The following CFAP47 variants were observed in gnomAD, a reference collection of about 807,000 sequenced individuals.
The protein encoded by CFAP47 is cilia- and flagella-associated protein 47.
A neutral mutation model predicts 148.1 loss-of-function variants in CFAP47; 29 were observed. The ratio of observed to expected loss-of-function variants is 0.20; its 90% CI spans 0.15 to 0.27. The LOEUF (loss-of-function observed/expected upper bound fraction) is 0.27, where lower values mean the gene tolerates loss of function less well. CFAP47 is among the 10% of genes least tolerant of loss of function. The probability of loss-of-function intolerance (pLI) is 1.00; values close to 1 mark genes in which losing one functional copy is unlikely to be tolerated. For synonymous variants in CFAP47, 664 were observed against 577.3 expected (o/e 1.15, Z -2.15); for missense variants, 1,872 against 1,697.5 (o/e 1.10, Z -1.81).
At position 36,054,864 on chromosome X, in the gene CFAP47, C is replaced by T. The variant is rs1937541395; in HGVS notation, c.4217+7801C>T. ...CTTGGCTCACTGCAAGTTCCGCCTCCCGGGTTCACGCCATTCTCCTGCCTC... is the reference window on the plus strand; with the variant it reads ...CTTGGCTCACTGCAAGTTCCGCCTCTCGGGTTCACGCCATTCTCCTGCCTC... On this transcript the variant is annotated intron_variant, in intron 26 of 63. Coordinates refer to ENST00000378653, the MANE Select transcript of CFAP47 (RefSeq NM_001304548.2). Among the ~76,000 whole-genome samples, 6 of 110,317 alleles carry T rather than the reference C, an allele frequency of 5.4e-5. No homozygotes were observed. The South Asian group carries it at 2.3e-3, about 43-fold the overall frequency.
rs149078531 is a variant in CFAP47 at position 35,975,672 on chromosome X, G to A, written c.2472G>A (p.Lys824=). ...FDSPTIGKFW[K]SFTFTVNNVP... ...TTTGGATGCTTTTGCTGCATTACAG[G>A]TCTTTCACCTTTACAGTGAACAATG... is the stretch of plus-strand genomic sequence containing the variant. The change falls in exon 15 of 64, where the codon AAG becomes AAA. Residue 824 remains lysine, a splice_region_variant and synonymous_variant. Coordinates refer to ENST00000378653, the MANE Select transcript of CFAP47 (RefSeq NM_001304548.2). The A allele has an allele frequency of 8.3e-6, 10 of 1,207,577 alleles. No individual in the cohort carries two copies. In the African/African-American group the frequency reaches 1.8e-4, roughly 21 times the overall value.
chrX:36,169,126 G>T (rs1939533143), intron 39 of CFAP47, among the ~76,000 whole-genome samples: 1 of 110,595 alleles, frequency 9.0e-6, no homozygotes, highest in Non-Finnish European at 1.9e-5. Flanking sequence ...ATTTCAGATG[G>T]AAAGTCAGCT....
At chrX:36,098,578 C>T (rs753660027) in intron 30 of CFAP47, among the ~76,000 whole-genome samples, 13 of 111,533 alleles carry the variant, frequency 1.2e-4, no homozygotes, top group Non-Finnish European at 2.4e-4. Flanking sequence ...CCATAGGACA[C>T]TTTCTTTTCA....
chrX:36,196,077 G>T (rs1385766393), intron 42 of CFAP47, among the ~76,000 whole-genome samples: 1 of 111,613 alleles, frequency 9.0e-6, no homozygotes, highest in Non-Finnish European at 1.9e-5. Flanking sequence ...TAAGAAAATT[G>T]AACTTTTAAG....
At position 35,924,299 on chromosome X, in the gene CFAP47, AC is replaced by A. The variant is rs1196149184; in HGVS notation, c.250-1717del. Among the ~76,000 whole-genome samples the A allele has an allele frequency of 3.0e-4, 32 of 106,115 alleles. No individual in the cohort carries two copies. The East Asian group carries it at 9.2e-3, about 30-fold the overall frequency. 92.1% of individuals were successfully genotyped at this position (106,115 alleles called of 115,157 possible). A position where few individuals can be genotyped will look rare whatever the true frequency, so the allele number is the denominator to read the frequency against. ...TGTGTATATGTACATGTATGTGTAC[AC>A]ATATGTATATATGTACATGTATGTG... On this transcript the variant is annotated intron_variant, in intron 1 of 63. Transcript: ENST00000378653.
Position 36,129,918 on chromosome X carries a change from G to A in CFAP47, c.5321-8040G>A, listed in dbSNP as rs751483103. Among the ~76,000 whole-genome samples the A allele has an allele frequency of 2.0e-4, 22 of 111,344 alleles. 1 individual carries two copies. In the South Asian group the frequency reaches 3.0e-3, roughly 15 times the overall value. On this transcript the variant is annotated intron_variant, in intron 33 of 63. Coordinates refer to ENST00000378653, the MANE Select transcript of CFAP47 (RefSeq NM_001304548.2). ...TAAAAAGACAACCCAATTTAAAAAT[G>A]TGCAAAATATTTGAATAGACATTTC...
At chrX:35,993,924 T>G (rs1936816750) in intron 18 of CFAP47, among the ~76,000 whole-genome samples, 1 of 111,823 alleles carries the variant, frequency 8.9e-6, no homozygotes, top group Admixed American at 9.5e-5. Context: ...AGAGCACACA[T>G]AAAATGTTTT....
intron 21 of CFAP47, among the ~76,000 whole-genome samples, chrX:36,003,759 A>G (rs780553350): frequency 8.3e-5 from 9 of 108,838 alleles, no homozygotes; most frequent in Non-Finnish European, 1.3e-4. Flanking sequence ...ACTTAGTATT[A>G]TAAGTCCTGG....
At chrX:36,133,576 C>T (rs1189132934) in intron 33 of CFAP47, among the ~76,000 whole-genome samples, 1 of 110,429 alleles carries the variant, frequency 9.1e-6, no homozygotes. Flanking sequence ...CACCATTAAT[C>T]CATTCATGAA....
intron 37 of CFAP47, among the ~76,000 whole-genome samples, chrX:36,151,970 G>T (rs756906025): frequency 9.0e-6 from 1 of 111,033 alleles, no homozygotes; most frequent in Non-Finnish European, 1.9e-5. Context: ...GTGTCTTCAC[G>T]TGGTGGTAGG....
At chrX:36,021,812 C>T (rs912373972) in intron 22 of CFAP47, 4 of 110,629 alleles carry the variant, frequency 3.6e-5, no homozygotes, top group African/African-American at 1.3e-4. Context: ...ATGATGGTTT[C>T]CAGCTTCATC....
intron 32 of CFAP47, among the ~76,000 whole-genome samples, 185 bp downstream of exon 32, chrX:36,100,064 T>C (rs994840135): frequency 1.8e-5 from 2 of 111,655 alleles, no homozygotes; most frequent in Non-Finnish European, 3.8e-5. Context: ...GAGTATCTCT[T>C]TCCTCCTCAG....
chrX:36,359,885 G>A, intron 60 of CFAP47, among the ~76,000 whole-genome samples: 1 of 110,999 alleles, frequency 9.0e-6, no homozygotes, highest in Non-Finnish European at 1.9e-5. Flanking sequence ...GGAGTAGCTG[G>A]GACTACAGGT....
At position 36,014,900 on chromosome X, in the gene CFAP47, G is replaced by A. The variant is rs1937080045; in HGVS notation, c.3544G>A (p.Val1182Ile). ...AGTACCACTTATCCGACCATGTTAC[G>A]TTCAAGCTACTGGTATGTAATATAA... ...KTVPLIRPCY[V>I]QATALQSPLN... Residue 1182 changes from valine (V) to isoleucine (I), a missense_variant, in exon 22 of 64, where the codon GTT (valine) becomes ATT (isoleucine). Physicochemically the swap from Val to Ile is conservative, Grantham distance 29. Transcript: ENST00000378653. 1 of 294,584 alleles carries A rather than the reference G, an allele frequency of 3.4e-6. No homozygotes were observed. The highest frequency in any genetic ancestry group is 4.8e-5 in the East Asian group (1 of 20,853). The allele number at this position is 294,584 out of a possible 1,213,427, so 24.3% of individuals were successfully genotyped here.
intron 22 of CFAP47, among the ~76,000 whole-genome samples, chrX:36,018,394 G>A (rs929011487): frequency 8.9e-6 from 1 of 111,914 alleles, no homozygotes; most frequent in Non-Finnish European, 1.9e-5. Flanking sequence ...CCAGTACTAT[G>A]TTGAGTAACA....
intron 8 of CFAP47, among the ~76,000 whole-genome samples, chrX:35,960,380 G>GGAAAAAAAAAAAAAAAAAAAAAAAA (rs1227681980): frequency 2.6e-4 from 4 of 15,489 alleles, no homozygotes; most frequent in African/African-American, 1.0e-3. Context: ...GCTAATTTCT[G>GGAAAAAAAAAAAAAAAAAAAAAAAA]AAAAAAAAAA....
chrX:36,204,871 T>C (rs903500895), intron 44 of CFAP47, 86 bp from the exon 45 acceptor site: 2 of 291,174 alleles, frequency 6.9e-6, no homozygotes, highest in Admixed American at 1.2e-4. Context: ...TCCCCAAAGG[T>C]ATAGTCTAAA....
intron 21 of CFAP47, among the ~76,000 whole-genome samples, chrX:36,012,200 G>T (rs892116719): frequency 1.8e-5 from 2 of 111,442 alleles, no homozygotes; most frequent in Non-Finnish European, 3.8e-5. Flanking sequence ...AAATAGGAAT[G>T]CTTTTACACT....
At chrX:36,329,372 C>A (rs1941545782) in intron 57 of CFAP47, among the ~76,000 whole-genome samples, 2 of 111,500 alleles carry the variant, frequency 1.8e-5, no homozygotes. Flanking sequence ...TTGCACTCTT[C>A]AAAGGTGACA....
Sources: gnomAD v4.1 joint callset for allele counts (sites outside exome capture counted in the v4.1 genomes callset) on GRCh38, gnomAD v4.1.1 for gene constraint, MANE v1.5 for transcripts, NCBI Gene and HGNC (gene_info 2026-07-23, HGNC 2026-07-21) for gene names.